The following RBM25 variants were observed in gnomAD, a reference collection of about 807,000 sequenced individuals.
RBM25 encodes RNA-binding protein 25.
Under a neutral mutation model 120.7 loss-of-function variants are expected in RBM25, and 19 were observed. The observed-to-expected ratio is 0.16, with a 90% CI of 0.11 to 0.23. RBM25 has a LOEUF of 0.23. RBM25 is among the 10% of genes least tolerant of loss of function. The probability of loss-of-function intolerance (pLI) is 1.00; values close to 1 mark genes in which losing one functional copy is unlikely to be tolerated. For synonymous variants in RBM25, 390 were observed against 326.7 expected (o/e 1.19, Z -2.09); for missense variants, 605 against 1,041.5 (o/e 0.58, Z 5.77).
intron 2 of RBM25, among the ~76,000 whole-genome samples, chr14:73,073,421 C>G (rs1028921727): frequency 3.9e-5 from 6 of 152,190 alleles, no homozygotes; most frequent in African/African-American, 7.2e-5. Context: ...GGCACAGTGG[C>G]TCACGCCTGT....
At chr14:73,103,944 TCTCTCACACACACACA>T (rs1159063302) in intron 10 of RBM25, among the ~76,000 whole-genome samples, 102 of 42,440 alleles carry the variant, frequency 2.4e-3, no homozygotes, top group Non-Finnish European at 3.6e-3. Flanking sequence ...TCTCTCTCTC[TCTCTCACACACACACA>T]CACACACACA....
At chr14:73,108,605 G>A (rs999993227) in intron 13 of RBM25, among the ~76,000 whole-genome samples, 13 of 152,138 alleles carry the variant, frequency 8.5e-5, no homozygotes, top group African/African-American at 3.1e-4. Flanking sequence ...CATCCAAACT[G>A]TAAGTTCCCT....
Position 73,122,762 on chromosome 14 carries a change from GAC to G in RBM25, c.*2960_*2961del, listed in dbSNP as rs1896558905. On this transcript the variant is annotated 3_prime_UTR_variant, in exon 19 of 19. Transcript: ENST00000261973. The stretch of plus-strand genomic sequence containing the variant: ...TCTGAGGAGTGCTTGTAGAAATAGA[GAC>G]ACTGAAGTAGCAGCGCTGGGGTGGC... 6.6e-6 allele frequency: 1 copy of G among 152,164 alleles called. No homozygotes were observed. The highest frequency in any genetic ancestry group is 1.5e-5 in the Non-Finnish European group (1 of 68,036). 9.4% of individuals were successfully genotyped at this position (152,164 alleles called of 1,614,324 possible). A position where few individuals can be genotyped will look rare whatever the true frequency, so the allele number is the denominator to read the frequency against.
intron 6 of RBM25, 82 bp downstream of exon 6, chr14:73,088,243 A>G (rs1365619006): frequency 2.0e-6 from 3 of 1,508,568 alleles, no homozygotes; most frequent in Non-Finnish European, 2.8e-6. Flanking sequence ...TGAATCTAAT[A>G]TGGGGCTTCA....
Position 73,111,031 on chromosome 14 carries a change from C to G in RBM25, c.1893C>G (p.Gly631=). The G allele has an allele frequency of 6.2e-7, 1 of 1,614,162 alleles. No individual in the cohort carries two copies. The highest frequency in any genetic ancestry group is 8.5e-7 in the Non-Finnish European group (1 of 1,180,026). ...SSAPSVSSAS[G]NATPNTPGDE... The stretch of plus-strand genomic sequence containing the variant: ...CTCCATCTGTTTCCTCTGCCAGTGG[C>G]AATGCAACACCTAACACTCCTGGGG... Residue 631 remains glycine, a synonymous_variant, in exon 15 of 19, where the codon GGC becomes GGG. Transcript: ENST00000261973.
Position 73,086,839 on chromosome 14 carries a change from G to A in RBM25, c.383-1162G>A, listed in dbSNP as rs1188632299. 2.6e-5 allele frequency among the ~76,000 whole-genome samples: 4 copies of A among 152,202 alleles called. No individual in the cohort carries two copies. The East Asian group carries it at 7.7e-4, about 29-fold the overall frequency. ...CCTTCCTTAGCCTCCCTAGTAGCTG[G>A]GACTACAGGCATGTGCCACCACACC... On this transcript the variant is annotated intron_variant, in intron 5 of 18. Coordinates refer to ENST00000261973, the MANE Select transcript of RBM25 (RefSeq NM_021239.3).
intron 1 of RBM25, chr14:73,069,932 C>G: frequency 6.7e-6 from 1 of 149,704 alleles, no homozygotes; most frequent in Non-Finnish European, 1.5e-5. Context: ...TATGCACTAT[C>G]ATGCTTGGCT....
chr14:73,119,824 T>C lies in RBM25; in HGVS notation c.*19T>C, dbSNP rs10141216. Reference sequence around the variant, plus strand: ...GAAGTAAAACTTTTTATATTTAGAGTTCCATTTCAGATTTCTTCTTTGCCA... The same window carrying C: ...GAAGTAAAACTTTTTATATTTAGAGCTCCATTTCAGATTTCTTCTTTGCCA... On this transcript the variant is annotated 3_prime_UTR_variant, in exon 19 of 19. Transcript: ENST00000261973. 4,590 of 1,592,220 alleles carry C rather than the reference T, an allele frequency of 2.9e-3. 118 individuals carry two copies. In the African/African-American group the frequency reaches 0.053, roughly 18 times the overall value.
chr14:73,060,568 C>T (rs955833006), intron 1 of RBM25, among the ~76,000 whole-genome samples: 2 of 151,466 alleles, frequency 1.3e-5, no homozygotes, highest in African/African-American at 4.8e-5. Context: ...TTTTAGAGAT[C>T]TCTTGATTGA....
At position 73,120,407 on chromosome 14, in the gene RBM25, T is replaced by C. The variant is rs1896519516; in HGVS notation, c.*602T>C. ...TGGGGTCCTTAAAACATTTCCCAAC[T>C]AAAGAATAGAATTGTAAAGGAAAAG... On this transcript the variant is annotated 3_prime_UTR_variant, in exon 19 of 19. Transcript: ENST00000261973. 6.5e-6 allele frequency: 1 copy of C among 152,704 alleles called. No homozygotes were observed. Among genetic ancestry groups the C allele is most frequent in the Admixed American group, 6.5e-5 (1 of 15,286 alleles). 9.5% of individuals were successfully genotyped at this position (152,704 alleles called of 1,614,324 possible).
At chr14:73,079,242 G>C (rs1377084329) in intron 4 of RBM25, among the ~76,000 whole-genome samples, 1 of 150,494 alleles carries the variant, frequency 6.6e-6, no homozygotes, top group African/African-American at 2.4e-5. Flanking sequence ...GATCAACATG[G>C]TGAAACCCCA....
chr14:73,118,771 T>G (rs1896485989), intron 18 of RBM25, among the ~76,000 whole-genome samples: 1 of 151,448 alleles, frequency 6.6e-6, no homozygotes, highest in Non-Finnish European at 1.5e-5. Context: ...CATTTACTAT[T>G]TATTTATTTA....
chr14:73,077,426 C>T lies in RBM25; in HGVS notation c.214C>T (p.Pro72Ser). ...GKHLGARKDH[P>S]GLKAKENDEN... Reference sequence around the variant, plus strand: ...GCATTTGGGCGCAAGAAAGGATCATCCAGGCTTAAAGGCTAAAGAAAATGA... The same window carrying T: ...GCATTTGGGCGCAAGAAAGGATCATTCAGGCTTAAAGGCTAAAGAAAATGA... Residue 72 changes from proline to serine, a missense_variant, in exon 4 of 19, where the codon CCA becomes TCA. Transcript: ENST00000261973. 1 of 1,613,792 alleles carries T rather than the reference C, an allele frequency of 6.2e-7. No homozygotes were observed. The highest frequency in any genetic ancestry group is 8.5e-7 in the Non-Finnish European group (1 of 1,179,746).
At chr14:73,105,296 G>A (rs552775524) in intron 10 of RBM25, among the ~76,000 whole-genome samples, 4 of 151,536 alleles carry the variant, frequency 2.6e-5, no homozygotes, top group South Asian at 2.1e-4. Flanking sequence ...CTCCTACCTC[G>A]GCTTCTTAAA....
intron 18 of RBM25, among the ~76,000 whole-genome samples, chr14:73,115,679 T>C (rs1896412596): frequency 6.6e-6 from 1 of 152,114 alleles, no homozygotes; most frequent in African/African-American, 2.4e-5. Context: ...GAGAAGAAAA[T>C]TGATGGTAAA....
At chr14:73,080,193 G>A (rs890115578) in intron 4 of RBM25, among the ~76,000 whole-genome samples, 4 of 134,022 alleles carry the variant, frequency 3.0e-5, no homozygotes, top group African/African-American at 8.3e-5. Context: ...TGTCATGTCC[G>A]AGTTTCTATT....
chr14:73,058,769 G>C (rs1414001231), intron 1 of RBM25, 64 bp downstream of exon 1: 1 of 151,300 alleles, frequency 6.6e-6, no homozygotes. Context: ...TGGTGGAGGA[G>C]GAAAAGCCGG....
intron 18 of RBM25, among the ~76,000 whole-genome samples, chr14:73,118,659 A>T (rs947746484): frequency 1.3e-5 from 2 of 152,190 alleles, no homozygotes; most frequent in African/African-American, 2.4e-5. Flanking sequence ...CTGTAAAGGT[A>T]AAATAAAAGA....
At chr14:73,093,091 A>C (rs775275676) in intron 6 of RBM25, among the ~76,000 whole-genome samples, 2 of 152,210 alleles carry the variant, frequency 1.3e-5, no homozygotes, top group African/African-American at 4.8e-5. Context: ...ATAGGAGACA[A>C]TATATCTGCT....
Sources: allele counts gnomAD v4.1 joint callset (sites outside exome capture counted in the v4.1 genomes callset), GRCh38; gene constraint gnomAD v4.1.1; transcripts MANE v1.5; gene names NCBI Gene and HGNC (gene_info 2026-07-23, HGNC 2026-07-21).